SIK3: variants seen among roughly 807,000 people sequenced by gnomAD.
SIK3 encodes the protein SIK family kinase 3.
SIK3 carries 28 observed loss-of-function variants against 144.2 expected under a neutral mutation model. That is an observed-to-expected ratio of 0.19 (90% CI 0.14 to 0.27). The LOEUF is 0.27. SIK3 is among the 10% of genes least tolerant of loss of function. The pLI is 1.00. For missense variants in SIK3, 1,319 were observed against 1,776.0 expected (o/e 0.74, Z 4.62); for synonymous variants, 686 against 676.3 (o/e 1.01, Z -0.22).
chr11:116,936,056 C>T (rs933602771), intron 3 of SIK3, among the ~76,000 whole-genome samples: 9 of 152,198 alleles, frequency 5.9e-5, no homozygotes, highest in African/African-American at 2.2e-4. Flanking sequence ...GGGAGGATCA[C>T]TTGAGTCCAG....
At chr11:117,084,106 G>A (rs1255804184) in intron 1 of SIK3, among the ~76,000 whole-genome samples, 1 of 152,068 alleles carries the variant, frequency 6.6e-6, no homozygotes, top group Non-Finnish European at 1.5e-5. Flanking sequence ...AGCTCTCTTA[G>A]CCCACCTTCA....
At chr11:116,944,304 C>T (rs1447064816) in intron 3 of SIK3, among the ~76,000 whole-genome samples, 1 of 152,066 alleles carries the variant, frequency 6.6e-6, no homozygotes, top group Admixed American at 6.5e-5. Flanking sequence ...TGGGTCATGC[C>T]AGAGAGTCTA....
intron 1 of SIK3, among the ~76,000 whole-genome samples, chr11:117,050,286 T>TCA (rs559417764): frequency 0.016 from 2,337 of 149,166 alleles, 63 homozygotes; most frequent in Admixed American, 0.073. Flanking sequence ...CAAGACTCCA[T>TCA]CACACACACA....
intron 21 of SIK3, among the ~76,000 whole-genome samples, chr11:116,855,126 A>G (rs1412116603): frequency 7.1e-6 from 1 of 141,678 alleles, no homozygotes; most frequent in Non-Finnish European, 1.5e-5. Context: ...TTTTTTTCAC[A>G]GTACAGCTGA....
chr11:116,866,498 G>A (rs1357634405), intron 15 of SIK3, among the ~76,000 whole-genome samples: 1 of 152,130 alleles, frequency 6.6e-6, no homozygotes. Context: ...CTGGAGTGCA[G>A]TGGCATGATC....
chr11:116,878,569 G>A (rs574102047), intron 6 of SIK3, among the ~76,000 whole-genome samples: 2 of 152,088 alleles, frequency 1.3e-5, no homozygotes, highest in South Asian at 2.1e-4. Flanking sequence ...TAATAGAGGC[G>A]AGGTTTCACC....
intron 1 of SIK3, among the ~76,000 whole-genome samples, chr11:117,020,331 G>A (rs890456704): frequency 1.4e-5 from 2 of 147,274 alleles, no homozygotes; most frequent in African/African-American, 2.6e-5. Flanking sequence ...TTAAAATACT[G>A]TATTCGGCCT....
At chr11:117,027,534 C>T (rs1952067501) in intron 1 of SIK3, among the ~76,000 whole-genome samples, 1 of 152,028 alleles carries the variant, frequency 6.6e-6, no homozygotes, top group Non-Finnish European at 1.5e-5. Context: ...GCAATCTCGG[C>T]TCACTGCCAC....
At chr11:117,030,602 A>G (rs1171580170) in intron 1 of SIK3, among the ~76,000 whole-genome samples, 1 of 152,206 alleles carries the variant, frequency 6.6e-6, no homozygotes, top group Non-Finnish European at 1.5e-5. Context: ...TATTGAGATC[A>G]CATGTGGTTT....
chr11:117,091,253 G>A (rs1955237237), intron 1 of SIK3, among the ~76,000 whole-genome samples: 1 of 132,206 alleles, frequency 7.6e-6, no homozygotes, highest in Non-Finnish European at 1.5e-5. Context: ...TGCCCAGGCT[G>A]GAGTGCGACG....
chr11:117,088,869 A>G (rs1271125156), intron 1 of SIK3, among the ~76,000 whole-genome samples: 1 of 151,994 alleles, frequency 6.6e-6, no homozygotes, highest in Non-Finnish European at 1.5e-5. Flanking sequence ...ATTTGCAGAG[A>G]TAAGGTCTCA....
At chr11:117,059,130 T>C (rs1162420383) in intron 1 of SIK3, among the ~76,000 whole-genome samples, 4 of 152,200 alleles carry the variant, frequency 2.6e-5, no homozygotes, top group Non-Finnish European at 5.9e-5. Context: ...TTTACAGATT[T>C]GTAATTCCAG....
At chr11:117,043,193 C>T (rs12279066) in intron 1 of SIK3, among the ~76,000 whole-genome samples, 2 of 151,836 alleles carry the variant, frequency 1.3e-5, no homozygotes, top group Non-Finnish European at 1.5e-5. Context: ...TCCCTCCGAA[C>T]GTGCCATGAA....
At chr11:116,853,696 G>C (rs760060092) in intron 21 of SIK3, among the ~76,000 whole-genome samples, 3 of 152,252 alleles carry the variant, frequency 2.0e-5, no homozygotes, top group Non-Finnish European at 4.4e-5. Context: ...TGAGGCCTGA[G>C]TAATAAAGCT....
chr11:116,930,672 T>C (rs1349370907), intron 3 of SIK3, among the ~76,000 whole-genome samples: 1 of 152,168 alleles, frequency 6.6e-6, no homozygotes, highest in Non-Finnish European at 1.5e-5. Flanking sequence ...GGCAATTCAG[T>C]GAACTACCTC....
intron 4 of SIK3, among the ~76,000 whole-genome samples, chr11:116,897,575 C>T (rs1374748438): frequency 6.6e-6 from 1 of 152,104 alleles, no homozygotes; most frequent in East Asian, 1.9e-4. Flanking sequence ...CAGAATAAAG[C>T]GAGTGGTACT....
At chr11:117,021,665 A>G (rs1453651994) in intron 1 of SIK3, among the ~76,000 whole-genome samples, 1 of 152,088 alleles carries the variant, frequency 6.6e-6, no homozygotes, top group Non-Finnish European at 1.5e-5. Flanking sequence ...AACCATTATC[A>G]AAAACTCCAT....
chr11:116,920,380 C>G (rs898386140), intron 4 of SIK3, among the ~76,000 whole-genome samples: 1 of 152,176 alleles, frequency 6.6e-6, no homozygotes, highest in African/African-American at 2.4e-5. Flanking sequence ...ATTTATCTCT[C>G]TCAGGCCTTT....
Position 116,861,301 on chromosome 11 carries a change from T to TG in SIK3, c.2397dup (p.Met800HisfsTer32). Reference sequence around the variant, plus strand: ...TGAGGCTGGATCATGGCACTGCTCATGGGGGGAGGACTATTACTGGGCTGC... The same window carrying TG: ...TGAGGCTGGATCATGGCACTGCTCATGGGGGGGAGGACTATTACTGGGCTGC... On this transcript the variant is annotated frameshift_variant, in exon 19 of 25. Transcript: ENST00000445177. LOFTEE classifies it high-confidence loss of function. The TG allele has an allele frequency of 6.3e-7, 1 of 1,594,476 alleles. No homozygotes were observed. The highest frequency in any genetic ancestry group is 8.5e-7 in the Non-Finnish European group (1 of 1,174,196).
Sources: allele counts gnomAD v4.1 joint callset (sites outside exome capture counted in the v4.1 genomes callset), GRCh38; gene constraint gnomAD v4.1.1; transcripts MANE v1.5; gene names NCBI Gene and HGNC (gene_info 2026-07-23, HGNC 2026-07-21).